The following KCNQ1OT1 variants were observed in gnomAD, a reference collection of about 807,000 sequenced individuals.
The protein encoded by KCNQ1OT1 is KCNQ1 opposite strand/antisense transcript 1, also known as KCNQ1 antisense RNA 2 (non-protein coding).
In KCNQ1OT1 at chr11:2,668,367, A is replaced by G. The variant is rs1449285346; in HGVS notation, n.31628T>C. 1 of 398,484 alleles carries G rather than the reference A, an allele frequency of 2.5e-6. No individual in the cohort carries two copies. Among genetic ancestry groups the G allele is most frequent in the Admixed American group, 4.4e-5 (1 of 22,716 alleles). The allele number at this position is 398,484 out of a possible 1,614,324, so 24.7% of individuals were successfully genotyped here. On this transcript the variant is annotated non_coding_transcript_exon_variant, in exon 1 of 1. Coordinates refer to ENST00000597346, the Ensembl canonical transcript of KCNQ1OT1. The surrounding 1 kb of genome is among the most constrained non-coding windows in gnomAD (Gnocchi z 4.3). ...CCTGGGTGGGCATATGTTTACTCTT[A>G]GTGAATACTACCCAGCAGTCTACCA...
At chr11:2,681,388 TGG>T (rs1272846153) in exon 1 of KCNQ1OT1, 1 of 398,322 alleles carries the variant, frequency 2.5e-6, no homozygotes, top group Non-Finnish European at 4.4e-6. Flanking sequence ...CTCTTGGGGC[TGG>T]GGTGACTAAA....
chr11:2,642,612 C>T lies in KCNQ1OT1; in HGVS notation n.57383G>A. 1 of 397,794 alleles carries T rather than the reference C, an allele frequency of 2.5e-6. No homozygotes were observed. Among genetic ancestry groups the T allele is most frequent in the South Asian group, 1.3e-4 (1 of 7,838 alleles). 24.6% of individuals were successfully genotyped at this position (397,794 alleles called of 1,614,324 possible). ...TGGTTATTTTGTTTCTTTTCAAAAA[C>T]CGATTTTGCATTTCATTGATCCTTT... On this transcript the variant is annotated non_coding_transcript_exon_variant, in exon 1 of 1. Transcript: ENST00000597346. The surrounding 1 kb of genome is among the most constrained non-coding windows in gnomAD (Gnocchi z 4.3).
chr11:2,643,843 G>A (rs1425455521), exon 1 of KCNQ1OT1: 2 of 398,346 alleles, frequency 5.0e-6, no homozygotes, highest in Non-Finnish European at 8.8e-6. Context: ...CTTCATTTCT[G>A]ACGAATATAA....
In KCNQ1OT1 at chr11:2,651,855, T is replaced by C; in HGVS notation, n.48140A>G. 2.5e-6 allele frequency: 1 copy of C among 398,642 alleles called. No individual in the cohort carries two copies. 24.7% of individuals were successfully genotyped at this position (398,642 alleles called of 1,614,324 possible). A position where few individuals can be genotyped will look rare whatever the true frequency, so the allele number is the denominator to read the frequency against. On this transcript the variant is annotated non_coding_transcript_exon_variant, in exon 1 of 1. Coordinates refer to ENST00000597346, the Ensembl canonical transcript of KCNQ1OT1. The surrounding 1 kb of genome is among the most constrained non-coding windows in gnomAD (Gnocchi z 6.1). Reference sequence around the variant, plus strand: ...CATACCAGACAGATGCCACCACATCTTTTCTTGAAGTAGTGTTCAGGCTGA... The same window carrying C: ...CATACCAGACAGATGCCACCACATCCTTTCTTGAAGTAGTGTTCAGGCTGA...
Position 2,612,449 on chromosome 11 carries a change from A to G in KCNQ1OT1, n.87546T>C, listed in dbSNP as rs185759948. On this transcript the variant is annotated non_coding_transcript_exon_variant, in exon 1 of 1. Coordinates refer to ENST00000597346, the Ensembl canonical transcript of KCNQ1OT1. The surrounding 1 kb of genome is among the most constrained non-coding windows in gnomAD (Gnocchi z 5.5). ...ATTTTTCTTCATTATTTTTCTTTCTATTCTTCAGTCTGAATCATCTTTATG... is the reference window on the plus strand; with the variant it reads ...ATTTTTCTTCATTATTTTTCTTTCTGTTCTTCAGTCTGAATCATCTTTATG... 9.5e-5 allele frequency: 38 copies of G among 398,526 alleles called. No homozygotes were observed. Among genetic ancestry groups the G allele is most frequent in the Admixed American group, 3.5e-4 (8 of 22,724 alleles). 24.7% of individuals were successfully genotyped at this position (398,526 alleles called of 1,614,324 possible).
exon 1 of KCNQ1OT1, chr11:2,665,327 A>C (rs1850047144): frequency 2.5e-6 from 1 of 398,186 alleles, no homozygotes; most frequent in South Asian, 1.3e-4. Context: ...TGGGAAGTAG[A>C]GACTGTAGGC....
chr11:2,651,796 G>C lies in KCNQ1OT1; in HGVS notation n.48199C>G. ...CCATTTTGATTCCTGGGCCCCTTAA[G>C]AGTCCATTAGCATTGGAATGGAGCC... On this transcript the variant is annotated non_coding_transcript_exon_variant, in exon 1 of 1. Transcript: ENST00000597346. The surrounding 1 kb of genome is among the most constrained non-coding windows in gnomAD (Gnocchi z 6.1). 2.5e-6 allele frequency: 1 copy of C among 398,592 alleles called. No homozygotes were observed. The highest frequency in any genetic ancestry group is 4.4e-6 in the Non-Finnish European group (1 of 226,082). The allele number at this position is 398,592 out of a possible 1,614,324, so 24.7% of individuals were successfully genotyped here.
exon 1 of KCNQ1OT1, chr11:2,632,929 A>G (rs997730274): frequency 2.5e-6 from 1 of 398,482 alleles, no homozygotes; most frequent in East Asian, 3.6e-5. Flanking sequence ...CTTTGAGTCA[A>G]TACCCGGTAG....
chr11:2,658,570 T>A lies in KCNQ1OT1; in HGVS notation n.41425A>T. On this transcript the variant is annotated non_coding_transcript_exon_variant, in exon 1 of 1. Coordinates refer to ENST00000597346, the Ensembl canonical transcript of KCNQ1OT1. The surrounding 1 kb of genome is among the most constrained non-coding windows in gnomAD (Gnocchi z 4.9). ...CCCTAGCCCTAGAATCATCCATTCATCCAGAGAGCCCTGGCTCCCTGGAGA... is the reference window on the plus strand; with the variant it reads ...CCCTAGCCCTAGAATCATCCATTCAACCAGAGAGCCCTGGCTCCCTGGAGA... The A allele has an allele frequency of 2.9e-6, 1 of 339,514 alleles. No homozygotes were observed. The highest frequency in any genetic ancestry group is 4.1e-5 in the East Asian group (1 of 24,286). 21.0% of individuals were successfully genotyped at this position (339,514 alleles called of 1,614,324 possible).
rs543811648 is a variant in KCNQ1OT1, at chr11:2,679,603, G to T, written n.20392C>A. 2.5e-6 allele frequency: 1 copy of T among 398,470 alleles called. No individual in the cohort carries two copies. Among genetic ancestry groups the T allele is most frequent in the East Asian group, 3.6e-5 (1 of 28,090 alleles). The allele number at this position is 398,470 out of a possible 1,614,324, so 24.7% of individuals were successfully genotyped here. A position where few individuals can be genotyped will look rare whatever the true frequency, so the allele number is the denominator to read the frequency against. ...TGCCTGACAAAGCTGATGGGGAGGCGAGTTGGAATGAATAGTATCAGCATC... is the reference window on the plus strand; with the variant it reads ...TGCCTGACAAAGCTGATGGGGAGGCTAGTTGGAATGAATAGTATCAGCATC... On this transcript the variant is annotated non_coding_transcript_exon_variant, in exon 1 of 1. Coordinates refer to ENST00000597346, the Ensembl canonical transcript of KCNQ1OT1. This position sits in a 1 kb window ranked among gnomAD's most constrained non-coding sequence, Gnocchi z 4.8.
In KCNQ1OT1 at chr11:2,668,442, A is replaced by G; in HGVS notation, n.31553T>C. On this transcript the variant is annotated non_coding_transcript_exon_variant, in exon 1 of 1. Transcript: ENST00000597346. This position sits in a 1 kb window ranked among gnomAD's most constrained non-coding sequence, Gnocchi z 4.3. ...CCACAGGCAGCATTCTGGCTGCTCC[A>G]CATCCTAACACTTGGCATTTTCCGT... The G allele has an allele frequency of 2.5e-6, 1 of 398,596 alleles. No homozygotes were observed. The highest frequency in any genetic ancestry group is 3.6e-5 in the East Asian group (1 of 28,072). The allele number at this position is 398,596 out of a possible 1,614,324, so 24.7% of individuals were successfully genotyped here.
At chr11:2,648,249 T>A (rs952502148) in exon 1 of KCNQ1OT1, 42 of 398,670 alleles carry the variant, frequency 1.1e-4, no homozygotes, top group Non-Finnish European at 1.6e-4. Flanking sequence ...TTTGTCTTTT[T>A]TACCTTTTAT....
Position 2,674,772 on chromosome 11 carries a change from C to T in KCNQ1OT1, n.25223G>A, listed in dbSNP as rs1850261351. ...CCCAGCCCAGTGCCAGACCAGCTTC[C>T]TGGAAACTCTCGCCAACTGCTGGCC... On this transcript the variant is annotated non_coding_transcript_exon_variant, in exon 1 of 1. Transcript: ENST00000597346. The surrounding 1 kb of genome is among the most constrained non-coding windows in gnomAD (Gnocchi z 5.9). The T allele has an allele frequency of 2.5e-6, 1 of 395,172 alleles. No individual in the cohort carries two copies. 24.5% of individuals were successfully genotyped at this position (395,172 alleles called of 1,614,324 possible).
exon 1 of KCNQ1OT1, chr11:2,615,088 C>T (rs1010180039): frequency 5.0e-6 from 2 of 398,110 alleles, no homozygotes; most frequent in African/African-American, 4.1e-5. Flanking sequence ...GTTTTGTAGT[C>T]TTTAGTGCAG....
chr11:2,634,619 G>A (rs1266839448), exon 1 of KCNQ1OT1: 1 of 152,130 alleles, frequency 6.6e-6, no homozygotes, highest in Non-Finnish European at 1.5e-5. Flanking sequence ...TTGCTATCGT[G>A]AATAGTGCTG....
exon 1 of KCNQ1OT1, chr11:2,633,716 T>C (rs564144735): frequency 2.7e-4 from 106 of 398,620 alleles, no homozygotes; most frequent in African/African-American, 2.1e-3. Flanking sequence ...TCTGTTCCAT[T>C]GGTCTATATG....
chr11:2,608,420 T>C lies in KCNQ1OT1; in HGVS notation n.91575A>G, dbSNP rs1396547572. ...GGCACAAAATTGTTCATAGTGTTCCTTCATAATCCTTTTTATTTCTGTCAG... is the reference window on the plus strand; with the variant it reads ...GGCACAAAATTGTTCATAGTGTTCCCTCATAATCCTTTTTATTTCTGTCAG... On this transcript the variant is annotated non_coding_transcript_exon_variant, in exon 1 of 1. Transcript: ENST00000597346. The surrounding 1 kb of genome is among the most constrained non-coding windows in gnomAD (Gnocchi z 4.6). 1 of 398,538 alleles carries C rather than the reference T, an allele frequency of 2.5e-6. No individual in the cohort carries two copies. Among genetic ancestry groups the C allele is most frequent in the Non-Finnish European group, 4.4e-6 (1 of 226,066 alleles). The allele number at this position is 398,538 out of a possible 1,614,324, so 24.7% of individuals were successfully genotyped here.
At chr11:2,648,089 A>C (rs987098097) in exon 1 of KCNQ1OT1, 3 of 395,370 alleles carry the variant, frequency 7.6e-6, no homozygotes, top group African/African-American at 6.3e-5. Context: ...GTGGTGCTGC[A>C]CATCTACTCA....
chr11:2,693,501 G>A (rs35919578), exon 1 of KCNQ1OT1: 2 of 398,554 alleles, frequency 5.0e-6, no homozygotes, highest in African/African-American at 4.1e-5. Flanking sequence ...AGGCCTTTTA[G>A]ATCCATTTCT....
Sources: allele counts gnomAD v4.1 joint callset, GRCh38; gene constraint gnomAD v4.1.1; non-coding constraint Gnocchi (gnomAD v3.1); transcripts MANE v1.5; gene names NCBI Gene and HGNC (gene_info 2026-07-23, HGNC 2026-07-21).